DLGAP1: variants seen among roughly 807,000 people sequenced by gnomAD.
DLGAP1 encodes disks large-associated protein 1.
A neutral mutation model predicts 90.8 loss-of-function variants in DLGAP1; 11 were observed. The ratio of observed to expected loss-of-function variants is 0.12; its 90% CI spans 0.08 to 0.20. DLGAP1 has a LOEUF of 0.20. Ranked by LOEUF, DLGAP1 falls within the 10% of genes least tolerant of loss-of-function variation. The pLI, the probability that DLGAP1 is intolerant of heterozygous loss-of-function variation, is 1.00. For missense variants in DLGAP1, 1,050 were observed against 1,333.8 expected (o/e 0.79, Z 3.31); for synonymous variants, 558 against 540.7 (o/e 1.03, Z -0.44).
At chr18:3,800,791 T>G (rs1423778243) in intron 5 of DLGAP1, among the ~76,000 whole-genome samples, 3 of 152,040 alleles carry the variant, frequency 2.0e-5, no homozygotes, top group Non-Finnish European at 4.4e-5. Context: ...GTGGGTATGG[T>G]GTATATTGGA....
chr18:4,401,553 G>C (rs377036569), intron 1 of DLGAP1, among the ~76,000 whole-genome samples: 10 of 152,224 alleles, frequency 6.6e-5, no homozygotes, highest in East Asian at 3.9e-4. Context: ...TTAATCATTA[G>C]TGTGTGTCAG....
intron 2 of DLGAP1, among the ~76,000 whole-genome samples, chr18:4,128,209 C>CT (rs1363026888): frequency 1.6e-4 from 25 of 152,126 alleles, no homozygotes; most frequent in African/African-American, 4.8e-5. Context: ...CAGATACAGA[C>CT]TTTTTTTTCT....
At position 3,566,893 on chromosome 18, in the gene DLGAP1, T is replaced by A. The variant is rs551026046; in HGVS notation, c.2057+597A>T. ...AATTCACATGCCTCTCTCCATCAGATTCTCATTTACAACATGAAATTATTG... is the reference window on the plus strand; with the variant it reads ...AATTCACATGCCTCTCTCCATCAGAATCTCATTTACAACATGAAATTATTG... On this transcript the variant is annotated intron_variant, in intron 9 of 12. Coordinates refer to ENST00000315677, the MANE Select transcript of DLGAP1 (RefSeq NM_004746.4). 1.5e-3 allele frequency among the ~76,000 whole-genome samples: 225 copies of A among 152,182 alleles called. 2 individuals carry two copies. Among genetic ancestry groups the A allele is most frequent in the African/African-American group, 5.1e-3 (213 of 41,534 alleles).
At position 4,121,065 on chromosome 18, in the gene DLGAP1, G is replaced by A. The variant is rs577540106; in HGVS notation, c.-159+30115C>T. The stretch of plus-strand genomic sequence containing the variant: ...TGGCTGTTAGGCAAGACGGACACTG[G>A]TTCACGTGACAGAACTTGTCTAGAG... On this transcript the variant is annotated intron_variant, in intron 2 of 12. Transcript: ENST00000315677. Among the ~76,000 whole-genome samples the A allele has an allele frequency of 3.3e-5, 5 of 152,280 alleles. No individual in the cohort carries two copies. In the South Asian group the frequency reaches 1.0e-3, roughly 32 times the overall value.
chr18:3,802,752 G>C (rs1173114014), intron 5 of DLGAP1, among the ~76,000 whole-genome samples: 3 of 152,160 alleles, frequency 2.0e-5, no homozygotes, highest in Admixed American at 1.3e-4. Flanking sequence ...GAGCCTTATA[G>C]CTCTCTTGTC....
At chr18:3,702,794 C>A (rs946084948) in intron 7 of DLGAP1, among the ~76,000 whole-genome samples, 1 of 152,116 alleles carries the variant, frequency 6.6e-6, no homozygotes. Flanking sequence ...CAGTGGCAGG[C>A]CCCTTACCAG....
intron 1 of DLGAP1, among the ~76,000 whole-genome samples, chr18:4,334,785 A>C (rs1451438836): frequency 2.6e-5 from 4 of 151,878 alleles, no homozygotes. Context: ...CTGTTTTAAG[A>C]ATGATTTTAA....
intron 1 of DLGAP1, among the ~76,000 whole-genome samples, chr18:4,372,937 A>G (rs72864512): frequency 0.33 from 50,333 of 151,728 alleles, 9,075 homozygotes; most frequent in South Asian, 0.48. Flanking sequence ...CAAAAAAAAA[A>G]GAAAAGAAAA....
intron 4 of DLGAP1, among the ~76,000 whole-genome samples, chr18:3,849,745 A>C (rs1470648193): frequency 1.3e-5 from 2 of 152,188 alleles, no homozygotes; most frequent in African/African-American, 4.8e-5. Flanking sequence ...GGAGCGCAAG[A>C]GCAGCAATCA....
intron 6 of DLGAP1, among the ~76,000 whole-genome samples, chr18:3,737,357 T>C (rs1342008229): frequency 6.6e-6 from 1 of 151,386 alleles, no homozygotes; most frequent in African/African-American, 2.4e-5. Flanking sequence ...TGATGAACAT[T>C]GATGCAAAAA....
chr18:3,777,505 T>C (rs139458592), intron 5 of DLGAP1, among the ~76,000 whole-genome samples: 90 of 152,352 alleles, frequency 5.9e-4, no homozygotes, highest in Non-Finnish European at 1.1e-3. Context: ...TATATAAGTT[T>C]ATATCTTAAA....
chr18:4,149,544 A>G (rs1249861264), intron 2 of DLGAP1, among the ~76,000 whole-genome samples: 2 of 152,180 alleles, frequency 1.3e-5, no homozygotes, highest in Non-Finnish European at 2.9e-5. Flanking sequence ...AGGGATCCCT[A>G]ACCCCCAGGT....
Position 3,729,122 on chromosome 18 carries a change from C to T in DLGAP1, c.1591+13G>A. ...GCACAGGGGCCAGGCTGGCTGAGGGCCCGCGCACTCACCCGTGCTGCTCTG... is the reference window on the plus strand; with the variant it reads ...GCACAGGGGCCAGGCTGGCTGAGGGTCCGCGCACTCACCCGTGCTGCTCTG... On this transcript the variant is annotated intron_variant, in intron 7 of 12. Coordinates refer to ENST00000315677, the MANE Select transcript of DLGAP1 (RefSeq NM_004746.4). This position sits in a 1 kb window ranked among gnomAD's most constrained non-coding sequence, Gnocchi z 6.2. 1 of 1,594,768 alleles carries T rather than the reference C, an allele frequency of 6.3e-7. No individual in the cohort carries two copies. The highest frequency in any genetic ancestry group is 8.5e-7 in the Non-Finnish European group (1 of 1,169,724).
At chr18:4,185,340 G>T (rs112038288) in intron 1 of DLGAP1, among the ~76,000 whole-genome samples, 6 of 151,350 alleles carry the variant, frequency 4.0e-5, no homozygotes, top group Admixed American at 1.3e-4. Context: ...GCGTCATGGG[G>T]GTTTGTTGTA....
chr18:4,038,971 A>G (rs2074932334), intron 2 of DLGAP1, among the ~76,000 whole-genome samples: 1 of 152,082 alleles, frequency 6.6e-6, no homozygotes, highest in East Asian at 1.9e-4. Flanking sequence ...CAAGGGTTGC[A>G]TTCCATCCCC....
Position 3,962,125 on chromosome 18 carries a change from G to A in DLGAP1, c.-73+42991C>T, listed in dbSNP as rs944648914. 2.6e-5 allele frequency among the ~76,000 whole-genome samples: 4 copies of A among 152,112 alleles called. No individual in the cohort carries two copies. The East Asian group carries it at 7.7e-4, about 29-fold the overall frequency. On this transcript the variant is annotated intron_variant, in intron 3 of 12. Coordinates refer to ENST00000315677, the MANE Select transcript of DLGAP1 (RefSeq NM_004746.4). ...TGCTTGAGATTAAAAAAATATATAT[G>A]ATGCACAATCAGGCAGTTACGTCTC...
intron 1 of DLGAP1, among the ~76,000 whole-genome samples, chr18:4,367,674 C>T (rs1337273889): frequency 6.6e-6 from 1 of 151,900 alleles, no homozygotes; most frequent in East Asian, 1.9e-4. Context: ...ATGGTGAAAC[C>T]CCATTTCTAC....
intron 1 of DLGAP1, among the ~76,000 whole-genome samples, chr18:4,304,708 A>G (rs1329456115): frequency 2.6e-5 from 4 of 152,196 alleles, no homozygotes; most frequent in Non-Finnish European, 4.4e-5. Context: ...AGGAGGGTGG[A>G]TCACCTGAGG....
chr18:4,252,779 C>A (rs1432257433), intron 1 of DLGAP1, among the ~76,000 whole-genome samples: 1 of 152,148 alleles, frequency 6.6e-6, no homozygotes, highest in Non-Finnish European at 1.5e-5. Context: ...GAACATTGCC[C>A]CAGATGTCAG....
Sources: gnomAD v4.1 joint callset for allele counts (sites outside exome capture counted in the v4.1 genomes callset) on GRCh38, gnomAD v4.1.1 for gene constraint, Gnocchi (gnomAD v3.1) non-coding constraint, MANE v1.5 for transcripts, NCBI Gene and HGNC (gene_info 2026-07-23, HGNC 2026-07-21) for gene names.